The following AMMECR1 variants were observed in gnomAD, a reference collection of about 807,000 sequenced individuals.
AMMECR1 encodes AMMECR nuclear protein 1, also known as nuclear protein AMMECR1.
In AMMECR1, 3 loss-of-function variants were observed where a neutral mutation model predicts 22.5. That is an observed-to-expected ratio of 0.13 (90% CI 0.06 to 0.35). The LOEUF is 0.35. AMMECR1 is among the 10% of genes least tolerant of loss of function. The probability of loss-of-function intolerance (pLI) is 1.00; values close to 1 mark genes in which losing one functional copy is unlikely to be tolerated. For synonymous variants in AMMECR1, 130 were observed against 116.7 expected (o/e 1.11, Z -0.74); for missense variants, 235 against 278.7 (o/e 0.84, Z 1.12).
intron 2 of AMMECR1, among the ~76,000 whole-genome samples, chrX:110,413,826 T>A (rs1265728808): frequency 9.0e-6 from 1 of 111,544 alleles, no homozygotes; most frequent in Non-Finnish European, 1.9e-5. Context: ...TGGAACATGA[T>A]GATGATGATG....
chrX:110,379,203 T>C (rs1030505054), intron 2 of AMMECR1, among the ~76,000 whole-genome samples: 3 of 112,435 alleles, frequency 2.7e-5, no homozygotes, highest in African/African-American at 9.7e-5. Context: ...CCATTTCTAT[T>C]ATAGCTTTCA....
intron 1 of AMMECR1, among the ~76,000 whole-genome samples, chrX:110,277,558 A>C (rs1265057865): frequency 9.0e-6 from 1 of 111,696 alleles, no homozygotes; most frequent in East Asian, 2.8e-4. Flanking sequence ...CCTAGAACTT[A>C]AAGTATAATA....
intron 1 of AMMECR1, among the ~76,000 whole-genome samples, chrX:110,429,458 G>GTTTTT: frequency 1.2e-5 from 1 of 80,905 alleles, no homozygotes; most frequent in Admixed American, 1.3e-4. Flanking sequence ...GAGAAAAAGT[G>GTTTTT]TTTTTTTTTT....
intron 2 of AMMECR1, among the ~76,000 whole-genome samples, chrX:110,247,417 G>A (rs1396076917): frequency 9.0e-6 from 1 of 111,588 alleles, no homozygotes; most frequent in African/African-American, 3.3e-5. Flanking sequence ...TTGGCCATGT[G>A]TGGTGGCTTA....
At chrX:110,264,850 T>A (rs1198152074) in intron 1 of AMMECR1, among the ~76,000 whole-genome samples, 2 of 111,680 alleles carry the variant, frequency 1.8e-5, no homozygotes, top group East Asian at 5.6e-4. Flanking sequence ...ATTATGTTAG[T>A]CTTCATCAAC....
intron 2 of AMMECR1, among the ~76,000 whole-genome samples, chrX:110,342,705 T>C (rs2068169925): frequency 8.9e-6 from 1 of 112,031 alleles, no homozygotes; most frequent in Non-Finnish European, 1.9e-5. Context: ...ATAACAATAG[T>C]CCTTTGCTAT....
At chrX:110,426,002 G>GCACA (rs201141674) in intron 2 of AMMECR1, among the ~76,000 whole-genome samples, 14 of 107,492 alleles carry the variant, frequency 1.3e-4, no homozygotes, top group African/African-American at 2.4e-4. Context: ...ACACACAAAC[G>GCACA]CACACACACA....
Position 110,209,214 on chromosome X carries a change from G to A in AMMECR1, c.700-6678C>T, listed in dbSNP as rs773328250. On this transcript the variant is annotated intron_variant, in intron 3 of 5. Coordinates refer to ENST00000262844, the MANE Select transcript of AMMECR1 (RefSeq NM_015365.3). Reference sequence around the variant, plus strand: ...ATTGTATTCATTAGAACTGTACATTGAGTATCTGACTCAATACAGTTTAAC... The same window carrying A: ...ATTGTATTCATTAGAACTGTACATTAAGTATCTGACTCAATACAGTTTAAC... 1.2e-4 allele frequency among the ~76,000 whole-genome samples: 13 copies of A among 111,850 alleles called. No homozygotes were observed. In the South Asian group the frequency reaches 4.8e-3, roughly 42 times the overall value.
At chrX:110,267,001 C>T (rs2148199976) in intron 1 of AMMECR1, among the ~76,000 whole-genome samples, 1 of 111,009 alleles carries the variant, frequency 9.0e-6, no homozygotes, top group South Asian at 3.8e-4. Context: ...CATCCATGTC[C>T]CTGCAAAGGA....
chrX:110,272,816 A>G (rs746870834), intron 1 of AMMECR1, among the ~76,000 whole-genome samples: 34 of 111,706 alleles, frequency 3.0e-4, no homozygotes, highest in Non-Finnish European at 4.7e-4. Flanking sequence ...AGCTCTATCC[A>G]TGTTGTTGCA....
intron 2 of AMMECR1, among the ~76,000 whole-genome samples, chrX:110,258,921 G>A (rs1337905736): frequency 1.8e-5 from 2 of 111,662 alleles, no homozygotes; most frequent in African/African-American, 6.5e-5. Context: ...ATGATCACAC[G>A]ATGGTCTACT....
intron 2 of AMMECR1, among the ~76,000 whole-genome samples, chrX:110,344,631 C>G (rs1423480292): frequency 9.0e-6 from 1 of 111,082 alleles, no homozygotes; most frequent in Non-Finnish European, 1.9e-5. Flanking sequence ...CTACAATGAA[C>G]TCAAACAAAT....
chrX:110,268,720 G>A (rs757560815), intron 1 of AMMECR1, among the ~76,000 whole-genome samples: 24 of 111,776 alleles, frequency 2.1e-4, no homozygotes, highest in Non-Finnish European at 3.9e-4. Flanking sequence ...AAACATGTAT[G>A]AGTTCCAAAA....
chrX:110,385,166 C>T (rs377699983), intron 2 of AMMECR1, among the ~76,000 whole-genome samples: 4 of 111,393 alleles, frequency 3.6e-5, no homozygotes, highest in East Asian at 5.6e-4. Context: ...AATCACTTAA[C>T]GTTTGCATCC....
rs190799226 is a variant in AMMECR1 at position 110,295,924 on chromosome X, C to T, written c.473+21675G>A. Among the ~76,000 whole-genome samples the T allele has an allele frequency of 4.6e-4, 52 of 111,898 alleles. 1 individual carries two copies. Among genetic ancestry groups the T allele is most frequent in the African/African-American group, 1.6e-3 (48 of 30,929 alleles). ...GTTTTATAATTAGTTTTTTATGCAG[C>T]TGCTGTCTTTCAAATCAGATAGAAG... On this transcript the variant is annotated intron_variant, in intron 1 of 5. Coordinates refer to ENST00000262844, the MANE Select transcript of AMMECR1 (RefSeq NM_015365.3).
intron 2 of AMMECR1, among the ~76,000 whole-genome samples, chrX:110,243,353 A>G (rs930784946): frequency 4.5e-5 from 5 of 112,138 alleles, no homozygotes; most frequent in Non-Finnish European, 9.4e-5. Flanking sequence ...TAGTTAGGAC[A>G]TCACTCAGCT....
chrX:110,272,109 G>A (rs1386293446), intron 1 of AMMECR1, among the ~76,000 whole-genome samples: 4 of 109,886 alleles, frequency 3.6e-5, no homozygotes, highest in South Asian at 4.0e-4. Flanking sequence ...CCAGCTACTC[G>A]GGAGGCTGAG....
chrX:110,430,364 T>A (rs370695664), intron 1 of AMMECR1, among the ~76,000 whole-genome samples: 4 of 112,630 alleles, frequency 3.6e-5, no homozygotes, highest in African/African-American at 9.7e-5. Flanking sequence ...AAGTGCTTTG[T>A]GTGTATTAAC....
intron 2 of AMMECR1, among the ~76,000 whole-genome samples, chrX:110,417,951 C>A (rs1032962463): frequency 2.7e-5 from 3 of 112,645 alleles, no homozygotes; most frequent in Non-Finnish European, 5.6e-5. Context: ...ACACAGGGTG[C>A]CATGTTCAGG....
Sources: allele counts gnomAD v4.1 joint callset (sites outside exome capture counted in the v4.1 genomes callset), GRCh38; gene constraint gnomAD v4.1.1; transcripts MANE v1.5; gene names NCBI Gene and HGNC (gene_info 2026-07-23, HGNC 2026-07-21).